GPR137C: variants seen among roughly 807,000 people sequenced by gnomAD.
GPR137C encodes integral membrane protein GPR137C.
GPR137C carries 27 observed loss-of-function variants against 43.4 expected under a neutral mutation model. The ratio of observed to expected loss-of-function variants is 0.62; its 90% CI spans 0.46 to 0.86. The LOEUF (loss-of-function observed/expected upper bound fraction) is 0.86, where lower values mean the gene tolerates loss of function less well. GPR137C is among the 40% of genes least tolerant of loss of function. The pLI, the probability that GPR137C is intolerant of heterozygous loss-of-function variation, is 0.00. For missense variants in GPR137C, 522 were observed against 534.6 expected (o/e 0.98, Z 0.23); for synonymous variants, 285 against 226.9 (o/e 1.26, Z -2.30).
intron 3 of GPR137C, among the ~76,000 whole-genome samples, chr14:52,608,494 T>C (rs553324765): frequency 6.6e-6 from 1 of 152,316 alleles, no homozygotes; most frequent in African/African-American, 2.4e-5. Context: ...TTAATACTTC[T>C]GTCTTTTAGT....
At position 52,632,161 on chromosome 14, in the gene GPR137C, G is replaced by T. The variant is rs946471387; in HGVS notation, c.719G>T (p.Gly240Val). 2 of 1,597,044 alleles carry T rather than the reference G, an allele frequency of 1.3e-6. No individual in the cohort carries two copies. The highest frequency in any genetic ancestry group is 1.7e-6 in the Non-Finnish European group (2 of 1,166,018). Reference sequence around the variant, plus strand: ...GATGATGATTTTTATTTGTTTTAGGGTATGTCTCTGTGCCAGACTGTCGTC... The same window carrying T: ...GATGATGATTTTTATTTGTTTTAGGTTATGTCTCTGTGCCAGACTGTCGTC... ...SSANVYLESKGMSLCQTVVVG... is the reference protein window; with the variant it reads ...SSANVYLESKVMSLCQTVVVG... The change falls in exon 4 of 7, where the codon GGT becomes GTT. Residue 240 changes from glycine (G) to valine (V), a missense_variant and splice_region_variant. By Grantham distance (109) the Gly-to-Val change is moderately radical (BLOSUM62 -3). This residue lies in a region of GPR137C where 437 missense variants were observed against 425.7 expected (regional missense o/e 1.03). Coordinates refer to ENST00000321662, the MANE Select transcript of GPR137C (RefSeq NM_001099652.2).
intron 6 of GPR137C, 34 bp from the exon 7 acceptor site, chr14:52,634,904 G>C (rs571327668): frequency 6.2e-7 from 1 of 1,600,034 alleles, no homozygotes; most frequent in African/African-American, 1.3e-5. Flanking sequence ...CCTGATCATA[G>C]TCCTATGGTC....
intron 4 of GPR137C, among the ~76,000 whole-genome samples, chr14:52,632,847 G>A (rs954541751): frequency 2.6e-5 from 4 of 151,958 alleles, no homozygotes; most frequent in Non-Finnish European, 4.4e-5. Flanking sequence ...CTCTAACTAC[G>A]CATATTTAAC....
At chr14:52,617,686 C>CAAACAAACAAACAAAAAGATGGAAATTT (rs2139562460) in intron 3 of GPR137C, among the ~76,000 whole-genome samples, 4 of 151,686 alleles carry the variant, frequency 2.6e-5, no homozygotes, top group African/African-American at 9.7e-5. Flanking sequence ...CTCAAACAAA[C>CAAACAAACAAACAAAAAGATGGAAATTT]AAACAAACAA....
intron 1 of GPR137C, among the ~76,000 whole-genome samples, chr14:52,583,739 C>T (rs2038678192): frequency 6.6e-6 from 1 of 151,878 alleles, no homozygotes; most frequent in African/African-American, 2.4e-5. Context: ...ATAATAACTT[C>T]CACCTTCCTG....
intron 1 of GPR137C, among the ~76,000 whole-genome samples, chr14:52,563,805 CTAACATCTCT>C (rs1163849418): frequency 6.6e-6 from 1 of 152,096 alleles, no homozygotes; most frequent in Non-Finnish European, 1.5e-5. Context: ...CTGTTACCTC[CTAACATCTCT>C]TAAGTCCATT....
chr14:52,582,223 C>G lies in GPR137C; in HGVS notation c.445-16049C>G, dbSNP rs534207619. ...AAGAGGTGAGGAATCTATGGGATCT[C>G]TCTTATAAGGATACTAATCTCATTA... On this transcript the variant is annotated intron_variant, in intron 1 of 6. Coordinates refer to ENST00000321662, the MANE Select transcript of GPR137C (RefSeq NM_001099652.2). Among the ~76,000 whole-genome samples, 11 of 152,230 alleles carry G rather than the reference C, an allele frequency of 7.2e-5. No homozygotes were observed. The South Asian group carries it at 2.3e-3, about 32-fold the overall frequency.
chr14:52,585,324 T>C (rs1555347937), intron 1 of GPR137C, among the ~76,000 whole-genome samples: 1 of 152,198 alleles, frequency 6.6e-6, no homozygotes, highest in Non-Finnish European at 1.5e-5. Context: ...ATGCCTCTTC[T>C]GTCTAGAGCC....
intron 1 of GPR137C, among the ~76,000 whole-genome samples, chr14:52,563,278 T>G (rs1031891939): frequency 6.6e-6 from 1 of 152,140 alleles, no homozygotes; most frequent in Non-Finnish European, 1.5e-5. Context: ...CTAGATCCCC[T>G]CTTCTTTCCA....
chr14:52,625,866 G>GT (rs2039220414), intron 3 of GPR137C, among the ~76,000 whole-genome samples: 1 of 151,922 alleles, frequency 6.6e-6, no homozygotes, highest in Non-Finnish European at 1.5e-5. Flanking sequence ...AAGAACACTT[G>GT]TTAGACCAGG....
Position 52,553,219 on chromosome 14 carries a change from CG to C in GPR137C, c.77del (p.Gly26AlafsTer24). The C allele has an allele frequency of 7.9e-7, 1 of 1,270,374 alleles. No homozygotes were observed. The highest frequency in any genetic ancestry group is 9.9e-7 in the Non-Finnish European group (1 of 1,009,270). The allele number at this position is 1,270,374 out of a possible 1,614,324, so 78.7% of individuals were successfully genotyped here. A position where few individuals can be genotyped will look rare whatever the true frequency, so the allele number is the denominator to read the frequency against. On this transcript the variant is annotated frameshift_variant, in exon 1 of 7. Transcript: ENST00000321662. LOFTEE classifies it high-confidence loss of function. ...CCGGCCGCGAGCCCTCCACGCCCGGCGGGGGCAGCGGAGGCGGAGGCGCCGT... is the reference window on the plus strand; with the variant it reads ...CCGGCCGCGAGCCCTCCACGCCCGGCGGGGCAGCGGAGGCGGAGGCGCCGT... ...AAGREPSTPG[G>X]GSGGGGAVAA...
chr14:52,572,997 C>T (rs1276307228), intron 1 of GPR137C, among the ~76,000 whole-genome samples: 1 of 152,046 alleles, frequency 6.6e-6, no homozygotes, highest in Admixed American at 6.5e-5. Flanking sequence ...AATAAAATAC[C>T]TAGGAATACA....
In GPR137C at chr14:52,552,984, G is replaced by A. The variant is rs1203768094; in HGVS notation, c.-164G>A. Among the ~76,000 whole-genome samples, 2 of 149,214 alleles carry A rather than the reference G, an allele frequency of 1.3e-5. No homozygotes were observed. ...GAAAGAGGAGGCGGGGTCCGGGGGA[G>A]CCGCGGCTGCTTTGCGCTGGACTCC... On this transcript the variant is annotated 5_prime_UTR_variant, in exon 1 of 7. Coordinates refer to ENST00000321662, the MANE Select transcript of GPR137C (RefSeq NM_001099652.2).
intron 3 of GPR137C, among the ~76,000 whole-genome samples, chr14:52,630,706 C>G (rs986422307): frequency 2.0e-5 from 3 of 150,818 alleles, no homozygotes; most frequent in African/African-American, 7.3e-5. Flanking sequence ...CCCGCAAGAG[C>G]CCCGCAAGAC....
chr14:52,571,431 G>C (rs1228208717), intron 1 of GPR137C, among the ~76,000 whole-genome samples: 8 of 152,130 alleles, frequency 5.3e-5, no homozygotes, highest in Admixed American at 5.2e-4. Flanking sequence ...AAAAGAACTA[G>C]AGAGAGGCCG....
At chr14:52,600,594 G>A (rs965117671) in intron 3 of GPR137C, among the ~76,000 whole-genome samples, 2 of 152,080 alleles carry the variant, frequency 1.3e-5, no homozygotes, top group African/African-American at 2.4e-5. Context: ...GGGACTACAG[G>A]CATATTGCTT....
chr14:52,603,892 C>T (rs921830716), intron 3 of GPR137C, among the ~76,000 whole-genome samples: 6 of 152,108 alleles, frequency 3.9e-5, no homozygotes, highest in Non-Finnish European at 5.9e-5. Context: ...CAACAGTGTA[C>T]AGGCATTCCC....
chr14:52,620,733 A>T (rs191223782), intron 3 of GPR137C, among the ~76,000 whole-genome samples: 4 of 152,054 alleles, frequency 2.6e-5, no homozygotes, highest in East Asian at 1.9e-4. Context: ...AAAAACTATT[A>T]AAAAAACCAA....
At chr14:52,627,555 G>A (rs984445548) in intron 3 of GPR137C, among the ~76,000 whole-genome samples, 2 of 151,662 alleles carry the variant, frequency 1.3e-5, no homozygotes, top group South Asian at 2.1e-4. Context: ...AATATTTAAA[G>A]TGTGCTGTCT....
Sources: allele counts gnomAD v4.1 joint callset (sites outside exome capture counted in the v4.1 genomes callset), GRCh38; gene constraint gnomAD v4.1.1; regional missense constraint gnomAD v4.1.1; transcripts MANE v1.5; gene names NCBI Gene and HGNC (gene_info 2026-07-23, HGNC 2026-07-21).